Variants in LRMDA observed in about 807,000 individuals in gnomAD.
LRMDA encodes leucine-rich melanocyte differentiation-associated protein.
LRMDA carries 18 observed loss-of-function variants against 29.8 expected under a neutral mutation model. The ratio of observed to expected loss-of-function variants is 0.60; its 90% CI spans 0.42 to 0.90. The LOEUF is 0.90. LRMDA is among the 40% of genes least tolerant of loss of function. The probability of loss-of-function intolerance (pLI) is 0.00; values close to 1 mark genes in which losing one functional copy is unlikely to be tolerated. For synonymous variants in LRMDA, 125 were observed against 109.4 expected, an observed-to-expected ratio of 1.14 and a Z score of -0.89; for missense variants, 273 against 273.9, an observed-to-expected ratio of 1.00 and a Z score of 0.02.
chr10:76,515,756 G>A (rs1050803340), intron 6 of LRMDA, among the ~76,000 whole-genome samples: 5 of 152,038 alleles, frequency 3.3e-5, no homozygotes, highest in South Asian at 4.2e-4. Context: ...CTGCCGCCTC[G>A]GCCTCCCAAA....
chr10:75,756,254 C>A (rs538320928), intron 2 of LRMDA, among the ~76,000 whole-genome samples: 1 of 152,328 alleles, frequency 6.6e-6, no homozygotes, highest in African/African-American at 2.4e-5. Flanking sequence ...GCAGCTAAGT[C>A]AAAGTATTGC....
chr10:75,717,291 C>T (rs568055614), intron 2 of LRMDA, among the ~76,000 whole-genome samples: 5 of 152,190 alleles, frequency 3.3e-5, no homozygotes, highest in Non-Finnish European at 5.9e-5. Flanking sequence ...TGCAGTCATA[C>T]CTGAGGACTC....
chr10:75,790,634 T>C (rs1272173020), intron 2 of LRMDA, among the ~76,000 whole-genome samples: 4 of 152,240 alleles, frequency 2.6e-5, no homozygotes, highest in Admixed American at 2.0e-4. Context: ...CACTTTCTTA[T>C]GAAAACCAAA....
Position 76,527,729 on chromosome 10 carries a change from T to A in LRMDA, c.602-29480T>A, listed in dbSNP as rs922065681. Among the ~76,000 whole-genome samples the A allele has an allele frequency of 2.0e-5, 3 of 152,184 alleles. 1 individual carries two copies. Among genetic ancestry groups the A allele is most frequent in the Non-Finnish European group, 1.5e-5 (1 of 68,022 alleles). On this transcript the variant is annotated intron_variant, in intron 6 of 6. Transcript: ENST00000611255. ...TCAGTGTTAGCTATAATTATTATAA[T>A]CATTCATGGATTGCCAGTATTCAAA...
intron 5 of LRMDA, among the ~76,000 whole-genome samples, chr10:76,104,801 A>AC (rs1294938104): frequency 1.3e-5 from 2 of 150,540 alleles, no homozygotes; most frequent in East Asian, 2.0e-4. Context: ...CCCATATGGA[A>AC]CCCCCCTCTG....
At chr10:75,784,363 A>G (rs1843435767) in intron 2 of LRMDA, among the ~76,000 whole-genome samples, 1 of 152,236 alleles carries the variant, frequency 6.6e-6, no homozygotes, top group African/African-American at 2.4e-5. Context: ...TGGTATGTAC[A>G]TGTTAACCAT....
intron 2 of LRMDA, among the ~76,000 whole-genome samples, chr10:76,030,490 G>A (rs1163418932): frequency 6.6e-6 from 1 of 152,126 alleles, no homozygotes; most frequent in African/African-American, 2.4e-5. Context: ...TACAGGACTA[G>A]GTAAACAAAT....
intron 2 of LRMDA, among the ~76,000 whole-genome samples, chr10:75,956,215 G>A (rs910118409): frequency 3.9e-5 from 6 of 152,206 alleles, no homozygotes; most frequent in Admixed American, 2.6e-4. Context: ...GTATTTCAAA[G>A]ACCATGTGAG....
intron 2 of LRMDA, among the ~76,000 whole-genome samples, chr10:75,752,779 C>T (rs1234535428): frequency 6.6e-6 from 1 of 152,142 alleles, no homozygotes; most frequent in African/African-American, 2.4e-5. Context: ...TTGTGTTAAA[C>T]CAATGAGCTT....
chr10:76,018,127 CAAAG>C (rs894690223), intron 2 of LRMDA, among the ~76,000 whole-genome samples: 4 of 152,114 alleles, frequency 2.6e-5, no homozygotes, highest in African/African-American at 4.8e-5. Context: ...TGTCAGAACT[CAAAG>C]GAAGCAGAGC....
At chr10:76,444,889 A>G (rs1345968190) in intron 6 of LRMDA, among the ~76,000 whole-genome samples, 1 of 152,158 alleles carries the variant, frequency 6.6e-6, no homozygotes, top group African/African-American at 2.4e-5. Context: ...TGTAAAAATT[A>G]TATCTATAAT....
At chr10:75,697,194 C>T (rs1466545754) in intron 2 of LRMDA, among the ~76,000 whole-genome samples, 1 of 152,098 alleles carries the variant, frequency 6.6e-6, no homozygotes, top group Non-Finnish European at 1.5e-5. Context: ...ATAATATATA[C>T]CTGGCCCCCT....
intron 2 of LRMDA, among the ~76,000 whole-genome samples, chr10:75,488,013 G>A (rs1293773648): frequency 6.6e-6 from 1 of 152,224 alleles, no homozygotes; most frequent in Non-Finnish European, 1.5e-5. Context: ...CAACTCATGT[G>A]TCAGTTGGTT....
chr10:76,172,274 C>T (rs978822545), intron 5 of LRMDA, among the ~76,000 whole-genome samples: 2 of 152,180 alleles, frequency 1.3e-5, no homozygotes, highest in East Asian at 1.9e-4. Flanking sequence ...CACACCCCAT[C>T]CAAACCATAG....
chr10:75,664,037 C>G (rs755483200), intron 2 of LRMDA, among the ~76,000 whole-genome samples: 3 of 152,126 alleles, frequency 2.0e-5, no homozygotes, highest in African/African-American at 7.2e-5. Context: ...CTGTGGATAT[C>G]GAATAGTCCG....
intron 2 of LRMDA, among the ~76,000 whole-genome samples, chr10:75,932,841 A>T (rs890276789): frequency 9.9e-5 from 15 of 152,146 alleles, no homozygotes; most frequent in African/African-American, 3.4e-4. Context: ...TTTATTTAGG[A>T]GTCTAGAATG....
chr10:76,449,354 T>C (rs966610139), intron 6 of LRMDA, among the ~76,000 whole-genome samples: 5 of 151,938 alleles, frequency 3.3e-5, no homozygotes, highest in South Asian at 2.1e-4. Context: ...ATGTCCTTTA[T>C]ATCTTCATTG....
intron 5 of LRMDA, among the ~76,000 whole-genome samples, chr10:76,264,728 A>G (rs1203598221): frequency 6.6e-6 from 1 of 152,214 alleles, no homozygotes; most frequent in Non-Finnish European, 1.5e-5. Context: ...AATGTAAAAC[A>G]TATTTTCAGG....
At chr10:76,124,771 T>G (rs1849850364) in intron 5 of LRMDA, among the ~76,000 whole-genome samples, 2 of 152,256 alleles carry the variant, frequency 1.3e-5, no homozygotes, top group African/African-American at 4.8e-5. Context: ...GACTCGCTTT[T>G]GGGGCCTCAG....
Sources: gnomAD v4.1 joint callset for allele counts (sites outside exome capture counted in the v4.1 genomes callset) on GRCh38, gnomAD v4.1.1 for gene constraint, MANE v1.5 for transcripts, NCBI Gene and HGNC (gene_info 2026-07-23, HGNC 2026-07-21) for gene names.